The following FRYL variants were observed in gnomAD, a reference collection of about 807,000 sequenced individuals.
The protein encoded by FRYL is protein furry homolog-like.
Under a neutral mutation model 351.2 loss-of-function variants are expected in FRYL, and 150 were observed. The ratio of observed to expected loss-of-function variants is 0.43; its 90% CI spans 0.37 to 0.49. FRYL has a LOEUF of 0.49. FRYL is among the 20% of genes least tolerant of loss of function. The pLI is 0.00. For synonymous variants in FRYL, 1,153 were observed against 1,257.1 expected, an observed-to-expected ratio of 0.92 and a Z score of 1.75; for missense variants, 3,036 against 3,619.3, an observed-to-expected ratio of 0.84 and a Z score of 4.13.
chr4:48,530,972 C>T (rs963616024), intron 50 of FRYL, among the ~76,000 whole-genome samples, 184 bp downstream of exon 50: 1 of 152,164 alleles, frequency 6.6e-6, no homozygotes, highest in African/African-American at 2.4e-5. Flanking sequence ...GTCTGTTTCT[C>T]TAACAGACAG....
At chr4:48,599,580 T>C (rs1745292139) in intron 13 of FRYL, among the ~76,000 whole-genome samples, 1 of 152,216 alleles carries the variant, frequency 6.6e-6, no homozygotes, top group African/African-American at 2.4e-5. Flanking sequence ...TTTCTTAAAA[T>C]ATTCAGTGCT....
Position 48,680,358 on chromosome 4 carries a change from T to A in FRYL, c.-81+4315A>T, listed in dbSNP as rs534143602. Among the ~76,000 whole-genome samples, 13 of 152,116 alleles carry A rather than the reference T, an allele frequency of 8.5e-5. No individual in the cohort carries two copies. The East Asian group carries it at 2.5e-3, about 29-fold the overall frequency. ...TAATTTTCCTTTCCTCTAATGTTTGTTAGTTACTATATGCAAGCTGATGTT... is the reference window on the plus strand; with the variant it reads ...TAATTTTCCTTTCCTCTAATGTTTGATAGTTACTATATGCAAGCTGATGTT... On this transcript the variant is annotated intron_variant, in intron 3 of 63. Coordinates refer to ENST00000358350, the MANE Select transcript of FRYL (RefSeq NM_015030.2).
At chr4:48,693,143 T>C (rs1765826037) in intron 2 of FRYL, among the ~76,000 whole-genome samples, 1 of 152,248 alleles carries the variant, frequency 6.6e-6, no homozygotes, top group African/African-American at 2.4e-5. Context: ...TCACACCTTT[T>C]CTACTATTTC....
intron 1 of FRYL, among the ~76,000 whole-genome samples, chr4:48,777,552 T>A (rs1314959655): frequency 6.6e-6 from 1 of 152,218 alleles, no homozygotes; most frequent in Non-Finnish European, 1.5e-5. Flanking sequence ...TCAAGAAATG[T>A]GTGCATATAA....
At chr4:48,646,206 A>T (rs1235592363) in intron 3 of FRYL, among the ~76,000 whole-genome samples, 1 of 152,190 alleles carries the variant, frequency 6.6e-6, no homozygotes, top group East Asian at 1.9e-4. Flanking sequence ...TACTTTCTGT[A>T]TCATATATCA....
chr4:48,718,642 C>G (rs1446672452), intron 1 of FRYL, among the ~76,000 whole-genome samples: 2 of 151,508 alleles, frequency 1.3e-5, no homozygotes, highest in Non-Finnish European at 2.9e-5. Context: ...CAGTCCCATA[C>G]TCTCTACAGA....
At chr4:48,573,916 A>G (rs1406699960) in intron 25 of FRYL, among the ~76,000 whole-genome samples, 1 of 152,116 alleles carries the variant, frequency 6.6e-6, no homozygotes, top group East Asian at 1.9e-4. Context: ...TGATATTCGA[A>G]CATAGGGTGG....
In FRYL at chr4:48,576,064, G is replaced by A. The variant is rs1379377349; in HGVS notation, c.2687C>T (p.Ser896Phe). ...VRCSPPETLA[S>F]TPDSGYSIDS... ...AATGCTATAGCCGCTATCTGGGGTA[G>A]ACGCCAGCGTCTCAGGAGGAGAACA... The change falls in exon 24 of 64, where the codon TCT becomes TTT. Residue 896 changes from serine (S) to phenylalanine (F), a missense_variant. Ser to Phe is a radical substitution (Grantham distance 155). Coordinates refer to ENST00000358350, the MANE Select transcript of FRYL (RefSeq NM_015030.2). The A allele has an allele frequency of 6.2e-7, 1 of 1,612,976 alleles. No individual in the cohort carries two copies. Among genetic ancestry groups the A allele is most frequent in the Non-Finnish European group, 8.5e-7 (1 of 1,179,618 alleles).
intron 18 of FRYL, among the ~76,000 whole-genome samples, chr4:48,587,913 A>T (rs1194651503): frequency 6.6e-6 from 1 of 152,192 alleles, no homozygotes; most frequent in Non-Finnish European, 1.5e-5. Context: ...CTCTTTTTAC[A>T]TGGTTTCAAA....
Position 48,523,030 on chromosome 4 carries a change from T to C in FRYL, c.7392A>G (p.Pro2464=), listed in dbSNP as rs1375695454. Residue 2464 remains proline (P), a synonymous_variant, in exon 54 of 64, where the codon CCA becomes CCG. Coordinates refer to ENST00000358350, the MANE Select transcript of FRYL (RefSeq NM_015030.2). ...SLDSIDKGDT[P]SLQEYQCSSS... is the part of the protein sequence containing the mutation. Reference sequence around the variant, plus strand: ...TAGAGCACTGGTACTCCTGGAGGGATGGAGTGTCCCCTTTGTCAATACTGT... The same window carrying C: ...TAGAGCACTGGTACTCCTGGAGGGACGGAGTGTCCCCTTTGTCAATACTGT... 2.5e-6 allele frequency: 4 copies of C among 1,613,758 alleles called. No homozygotes were observed. Among genetic ancestry groups the C allele is most frequent in the South Asian group, 2.2e-5 (2 of 91,080 alleles).
chr4:48,710,189 G>T (rs1377807106), intron 2 of FRYL, among the ~76,000 whole-genome samples: 1 of 152,170 alleles, frequency 6.6e-6, no homozygotes, highest in African/African-American at 2.4e-5. Flanking sequence ...GAAGTAGGAG[G>T]ATATTCTTCA....
intron 3 of FRYL, among the ~76,000 whole-genome samples, chr4:48,649,053 T>C (rs768870637): frequency 1.3e-5 from 2 of 152,214 alleles, no homozygotes; most frequent in Non-Finnish European, 2.9e-5. Flanking sequence ...AGAGATTTAA[T>C]GTATGTGCAT....
At chr4:48,507,863 C>A (rs1267391361) in intron 59 of FRYL, among the ~76,000 whole-genome samples, 1 of 152,108 alleles carries the variant, frequency 6.6e-6, no homozygotes, top group East Asian at 1.9e-4. Context: ...GGGGGAGAGG[C>A]TACAAAACCA....
rs1739503520 is a variant in FRYL, at chr4:48,575,910, CAAGT to C, written c.2721+116_2721+119del. Reference sequence around the variant, plus strand: ...CTTTCTTGAGGTATTTTCCTTTTTGCAAGTAAGTAACACATTTTCAACTGAGTTA... The same window carrying C: ...CTTTCTTGAGGTATTTTCCTTTTTGCAAGTAACACATTTTCAACTGAGTTA... On this transcript the variant is annotated intron_variant, in intron 24 of 63. Transcript: ENST00000358350. The C allele has an allele frequency of 1.9e-5, 15 of 789,268 alleles. 1 individual carries two copies. The South Asian group carries it at 2.8e-4, about 15-fold the overall frequency. 48.9% of individuals were successfully genotyped at this position (789,268 alleles called of 1,614,324 possible).
intron 26 of FRYL, 23 bp downstream of exon 26, chr4:48,573,163 C>T (rs1738752479): frequency 1.3e-6 from 2 of 1,582,330 alleles, no homozygotes; most frequent in Non-Finnish European, 1.7e-6. Flanking sequence ...TTCACTAATA[C>T]AAGGCTGCAG....
In FRYL at chr4:48,534,152, G is replaced by C. The variant is rs1358953248; in HGVS notation, c.6705+393C>G. 3.3e-5 allele frequency among the ~76,000 whole-genome samples: 5 copies of C among 152,196 alleles called. No individual in the cohort carries two copies. The South Asian group carries it at 8.3e-4, about 25-fold the overall frequency. On this transcript the variant is annotated intron_variant, in intron 49 of 63. Transcript: ENST00000358350. ...GAGGCAGGAGACTCACTTGAATCCA[G>C]GAGGCAGAGGCTGCAGTGAGCCGAG...
intron 3 of FRYL, among the ~76,000 whole-genome samples, chr4:48,658,385 C>T (rs1312022665): frequency 1.3e-5 from 2 of 151,818 alleles, no homozygotes; most frequent in Non-Finnish European, 2.9e-5. Context: ...TTCTACAGCC[C>T]CCACAGATTT....
At position 48,557,090 on chromosome 4, in the gene FRYL, A is replaced by G; in HGVS notation, c.4154T>C (p.Val1385Ala). ...KYGDELAWSE[V>A]ENVWTTLADG... is the part of the protein sequence containing the mutation. Reference sequence around the variant, plus strand: ...TGCAAGTGTGGTCCACACATTCTCCACCTCCGACCAGGCCAGTTCATCGCC... The same window carrying G: ...TGCAAGTGTGGTCCACACATTCTCCGCCTCCGACCAGGCCAGTTCATCGCC... The change falls in exon 35 of 64, where the codon GTG (valine) becomes GCG (alanine). Residue 1385 changes from valine to alanine, a missense_variant. Val to Ala is a moderately conservative substitution (Grantham distance 64). Coordinates refer to ENST00000358350, the MANE Select transcript of FRYL (RefSeq NM_015030.2). 6.2e-7 allele frequency: 1 copy of G among 1,603,028 alleles called. No individual in the cohort carries two copies. Among genetic ancestry groups the G allele is most frequent in the Non-Finnish European group, 8.5e-7 (1 of 1,174,676 alleles).
chr4:48,660,721 AT>A (rs1383448253), intron 3 of FRYL, among the ~76,000 whole-genome samples: 4 of 152,222 alleles, frequency 2.6e-5, no homozygotes, highest in African/African-American at 9.6e-5. Flanking sequence ...GTGATAAGTC[AT>A]TTTAATACTA....
Sources: allele counts gnomAD v4.1 joint callset (sites outside exome capture counted in the v4.1 genomes callset), GRCh38; gene constraint gnomAD v4.1.1; transcripts MANE v1.5; gene names NCBI Gene and HGNC (gene_info 2026-07-23, HGNC 2026-07-21).